NELL1: variants seen among roughly 807,000 people sequenced by gnomAD.
NELL1 encodes neural EGFL like 1, also known as protein kinase C-binding protein NELL1.
In NELL1, 76 loss-of-function variants were observed where a neutral mutation model predicts 107.4. The ratio of observed to expected loss-of-function variants is 0.71; its 90% confidence interval spans 0.59 to 0.86. The LOEUF (loss-of-function observed/expected upper bound fraction) is 0.86. NELL1 is among the 40% of genes least tolerant of loss of function. The pLI, the probability that NELL1 is intolerant of heterozygous loss-of-function variation, is 0.00. For missense variants in NELL1, 1,024 were observed against 1,005.5 expected (o/e 1.02, Z -0.25); for synonymous variants, 353 against 341.2 (o/e 1.03, Z -0.38).
chr11:21,242,045 T>C (rs999205378), intron 14 of NELL1, among the ~76,000 whole-genome samples: 4 of 151,928 alleles, frequency 2.6e-5, no homozygotes, highest in Non-Finnish European at 5.9e-5. Context: ...TGAATAGATA[T>C]GATGGCATTT....
At chr11:21,373,376 T>C (rs1851399520) in intron 15 of NELL1, among the ~76,000 whole-genome samples, 1 of 152,120 alleles carries the variant, frequency 6.6e-6, no homozygotes, top group African/African-American at 2.4e-5. Flanking sequence ...TTGAGACTCA[T>C]AGTGCCAAAG....
At chr11:21,533,367 G>C (rs187625377) in intron 15 of NELL1, among the ~76,000 whole-genome samples, 1 of 152,264 alleles carries the variant, frequency 6.6e-6, no homozygotes. Flanking sequence ...TTATGGGTTA[G>C]ATTCCAATGT....
chr11:21,056,261 G>A (rs1445844460), intron 12 of NELL1, among the ~76,000 whole-genome samples: 1 of 152,114 alleles, frequency 6.6e-6, no homozygotes, highest in East Asian at 1.9e-4. Flanking sequence ...TCCCTTCCAA[G>A]AATAATATGA....
At chr11:21,382,284 T>A (rs1052944954) in intron 15 of NELL1, among the ~76,000 whole-genome samples, 2 of 151,982 alleles carry the variant, frequency 1.3e-5, no homozygotes, top group African/African-American at 4.8e-5. Flanking sequence ...CAGGCACAAC[T>A]GATTTTTACA....
chr11:20,874,535 AG>A (rs1849266748), intron 4 of NELL1, among the ~76,000 whole-genome samples: 1 of 152,182 alleles, frequency 6.6e-6, no homozygotes, highest in Admixed American at 6.5e-5. Flanking sequence ...CTTGTCTTTT[AG>A]GGTTATTGAA....
chr11:20,881,709 G>C (rs920178429), intron 4 of NELL1, among the ~76,000 whole-genome samples: 1 of 151,358 alleles, frequency 6.6e-6, no homozygotes, highest in Non-Finnish European at 1.5e-5. Flanking sequence ...GCAGAATTCT[G>C]TTTTGTTTTT....
chr11:21,210,535 G>GA (rs1299342773), intron 13 of NELL1, among the ~76,000 whole-genome samples: 1 of 152,002 alleles, frequency 6.6e-6, no homozygotes. Context: ...CTTCTTTGGG[G>GA]AAAAAGACTG....
intron 2 of NELL1, among the ~76,000 whole-genome samples, chr11:20,772,276 G>A (rs1315321622): frequency 1.3e-5 from 2 of 152,176 alleles, no homozygotes; most frequent in Non-Finnish European, 2.9e-5. Flanking sequence ...CATAGCATTG[G>A]AGTAGAGAAG....
chr11:21,161,610 C>T (rs1440032319), intron 13 of NELL1, among the ~76,000 whole-genome samples: 1 of 152,088 alleles, frequency 6.6e-6, no homozygotes, highest in Non-Finnish European at 1.5e-5. Flanking sequence ...TAAGACAGGA[C>T]TGACCAAATA....
chr11:20,967,402 A>G (rs981232036), intron 12 of NELL1, among the ~76,000 whole-genome samples: 7 of 152,058 alleles, frequency 4.6e-5, no homozygotes, highest in African/African-American at 1.7e-4. Flanking sequence ...ATCATGATCT[A>G]TGTAGCACCA....
At chr11:20,733,159 C>T (rs756875941) in intron 2 of NELL1, among the ~76,000 whole-genome samples, 2 of 152,304 alleles carry the variant, frequency 1.3e-5, no homozygotes, top group East Asian at 1.9e-4. Context: ...TCCCTGCCAT[C>T]CCTCTTCCTC....
chr11:21,113,634 C>CTG lies in NELL1; in HGVS notation c.1354_1355dup (p.Asn453SerfsTer151). On this transcript the variant is annotated frameshift_variant, in exon 13 of 20. Coordinates refer to ENST00000357134, the MANE Select transcript of NELL1 (RefSeq NM_006157.5). LOFTEE classifies it high-confidence loss of function. ...AAGATGCATTACTGTCATGCCAATA[C>CTG]TGTGTGTGTCAACCTTCCTGGGTTA... is the stretch of plus-strand genomic sequence containing the variant. The CTG allele has an allele frequency of 6.2e-7, 1 of 1,612,054 alleles. No homozygotes were observed. The highest frequency in any genetic ancestry group is 8.5e-7 in the Non-Finnish European group (1 of 1,178,628).
At chr11:21,333,578 G>A (rs900309057) in intron 14 of NELL1, among the ~76,000 whole-genome samples, 2 of 151,972 alleles carry the variant, frequency 1.3e-5, no homozygotes, top group African/African-American at 4.8e-5. Flanking sequence ...TGTGTATTTA[G>A]TTTCATCACA....
At chr11:21,358,326 A>C (rs1320210458) in intron 14 of NELL1, among the ~76,000 whole-genome samples, 2 of 151,956 alleles carry the variant, frequency 1.3e-5, no homozygotes, top group East Asian at 3.9e-4. Context: ...TCTTTCAGCA[A>C]TGTTTTGTAG....
intron 17 of NELL1, among the ~76,000 whole-genome samples, chr11:21,564,158 C>T (rs1298703176): frequency 6.6e-6 from 1 of 151,854 alleles, no homozygotes; most frequent in Non-Finnish European, 1.5e-5. Flanking sequence ...CAGTCAAGGT[C>T]TGATTGACAG....
chr11:20,672,346 A>G (rs547622454), intron 1 of NELL1, among the ~76,000 whole-genome samples: 124 of 152,364 alleles, frequency 8.1e-4, no homozygotes, highest in Non-Finnish European at 1.4e-3. Flanking sequence ...GATGAAATAA[A>G]CATGTGGTTC....
rs1852576833 is a variant in NELL1 at position 21,418,556 on chromosome 11, C to A, written c.1645+47608C>A. ...CATGTGTACTGAGCACATATTAGCA[C>A]AGTGCTAATTGCTGTTCAAAAGTTT... On this transcript the variant is annotated intron_variant, in intron 15 of 19. Transcript: ENST00000357134. 2.6e-5 allele frequency among the ~76,000 whole-genome samples: 4 copies of A among 152,072 alleles called. No individual in the cohort carries two copies. The South Asian group carries it at 8.3e-4, about 31-fold the overall frequency.
In NELL1 at chr11:21,122,650, C is replaced by T. The variant is rs1855395839; in HGVS notation, c.1426+8936C>T. ...TCTAGTGTATAAATTCTACTGGTTG[C>T]AAGCTTTGATTATGTCACTTATTTA... On this transcript the variant is annotated intron_variant, in intron 13 of 19. Coordinates refer to ENST00000357134, the MANE Select transcript of NELL1 (RefSeq NM_006157.5). Among the ~76,000 whole-genome samples the T allele has an allele frequency of 5.9e-5, 9 of 152,230 alleles. No homozygotes were observed. In the South Asian group the frequency reaches 1.9e-3, roughly 32 times the overall value.
intron 11 of NELL1, among the ~76,000 whole-genome samples, chr11:20,959,321 G>A (rs1851242084): frequency 6.6e-6 from 1 of 152,128 alleles, no homozygotes; most frequent in African/African-American, 2.4e-5. Flanking sequence ...TCCCACTACT[G>A]GGTATCTACC....
Sources: allele counts gnomAD v4.1 joint callset (sites outside exome capture counted in the v4.1 genomes callset), GRCh38; gene constraint gnomAD v4.1.1; transcripts MANE v1.5; gene names NCBI Gene and HGNC (gene_info 2026-07-23, HGNC 2026-07-21).